Variants in MMP26 observed in about 807,000 individuals in gnomAD.
MMP26 encodes matrix metallopeptidase 26, also known as matrix metalloproteinase-26.
MMP26 carries 33 observed loss-of-function variants against 31.0 expected under a neutral mutation model. The ratio of observed to expected loss-of-function variants is 1.06; its 90% CI spans 0.81 to 1.42. MMP26 has a LOEUF of 1.42. Ranked by LOEUF, MMP26 falls within the 40% of genes most tolerant of loss-of-function variation. The pLI is 0.00. For synonymous variants in MMP26, 122 were observed against 114.9 expected (o/e 1.06, Z -0.40); for missense variants, 347 against 316.1 (o/e 1.10, Z -0.74).
At chr11:4,764,653 G>A (rs921378719) in intron 1 of MMP26, among the ~76,000 whole-genome samples, 14 of 152,288 alleles carry the variant, frequency 9.2e-5, no homozygotes, top group Middle Eastern at 3.4e-3. Context: ...GGTGGATCAC[G>A]AGGTCAGGAG....
At chr11:4,916,861 G>T (rs1353183629) in intron 2 of MMP26, among the ~76,000 whole-genome samples, 1 of 152,156 alleles carries the variant, frequency 6.6e-6, no homozygotes, top group Non-Finnish European at 1.5e-5. Context: ...CATCAACCAT[G>T]GCCACATCCC....
chr11:4,968,355 TC>T (rs933598596), intron 2 of MMP26, among the ~76,000 whole-genome samples: 4 of 152,062 alleles, frequency 2.6e-5, no homozygotes, highest in African/African-American at 7.2e-5. Flanking sequence ...TTTTAACTTT[TC>T]TCTACATGGT....
intron 2 of MMP26, among the ~76,000 whole-genome samples, chr11:4,879,144 G>C (rs1287714084): frequency 1.3e-5 from 2 of 152,082 alleles, no homozygotes; most frequent in African/African-American, 4.8e-5. Flanking sequence ...TGAGGCAGGA[G>C]AATTGCTTGA....
At chr11:4,910,046 T>C (rs542877787) in intron 2 of MMP26, among the ~76,000 whole-genome samples, 11 of 152,196 alleles carry the variant, frequency 7.2e-5, no homozygotes, top group African/African-American at 2.6e-4. Context: ...AATACAAATG[T>C]ATTGTTTTAT....
intron 2 of MMP26, chr11:4,882,327 T>C: frequency 1.2e-6 from 2 of 1,613,962 alleles, no homozygotes; most frequent in South Asian, 1.1e-5. Context: ...GACAGGATGG[T>C]CCTGGTGATA....
chr11:4,897,564 A>G (rs554425319), intron 2 of MMP26, among the ~76,000 whole-genome samples: 2 of 152,134 alleles, frequency 1.3e-5, no homozygotes, highest in Non-Finnish European at 2.9e-5. Flanking sequence ...TCTTTGTTAT[A>G]GCTTTCTCAC....
At chr11:4,769,255 G>C (rs1288552034) in intron 2 of MMP26, 1 of 1,613,594 alleles carries the variant, frequency 6.2e-7, no homozygotes. Flanking sequence ...GAATAATTAA[G>C]ATATATGACA....
At chr11:4,949,868 TATACCCATTTCAGGGTATAC>T (rs775760150) in intron 2 of MMP26, among the ~76,000 whole-genome samples, 1 of 123,850 alleles carries the variant, frequency 8.1e-6, no homozygotes, top group African/African-American at 2.7e-5. Flanking sequence ...CTAATGTATG[TATACCCATTTCAGGGTATAC>T]ATACCCATTT....
intron 2 of MMP26, chr11:4,794,816 A>G (rs1297212670): frequency 6.6e-6 from 1 of 152,246 alleles, no homozygotes; most frequent in Non-Finnish European, 1.5e-5. Flanking sequence ...GTCCAGGCCT[A>G]TTCCATGTAC....
intron 1 of MMP26, among the ~76,000 whole-genome samples, chr11:4,744,078 G>A (rs1848348752): frequency 1.3e-5 from 2 of 152,096 alleles, no homozygotes; most frequent in Non-Finnish European, 2.9e-5. Flanking sequence ...GGGATTAAAA[G>A]TGTGAGCCAC....
intron 1 of MMP26, among the ~76,000 whole-genome samples, chr11:4,729,553 G>A (rs1036796981): frequency 3.9e-5 from 6 of 152,138 alleles, no homozygotes; most frequent in African/African-American, 1.4e-4. Context: ...CGGTTAACAT[G>A]GAAGGCTGAG....
rs1395236728 is a variant in MMP26 at position 4,908,251 on chromosome 11, G to T, written c.-144-79817G>T. 5.0e-6 allele frequency: 8 copies of T among 1,614,024 alleles called. No homozygotes were observed. The African/African-American group carries it at 1.1e-4, about 22-fold the overall frequency. Reference sequence around the variant, plus strand: ...TGAACCCCATTGTGTACTGTGTAAAGACTCGACAAATCTGGGAGAAGATCT... The same window carrying T: ...TGAACCCCATTGTGTACTGTGTAAATACTCGACAAATCTGGGAGAAGATCT... On this transcript the variant is annotated intron_variant, in intron 2 of 7. Transcript: ENST00000380390.
At chr11:4,918,614 C>T (rs1262363957) in intron 2 of MMP26, among the ~76,000 whole-genome samples, 2 of 152,132 alleles carry the variant, frequency 1.3e-5, no homozygotes, top group Non-Finnish European at 2.9e-5. Flanking sequence ...CCTCGCAGAA[C>T]CCATTAGCAG....
chr11:4,723,141 C>T, intron 1 of MMP26: 2 of 1,597,856 alleles, frequency 1.3e-6, no homozygotes, highest in Non-Finnish European at 1.7e-6. Context: ...TTGGAGTTGG[C>T]ATCCTTAATG....
rs1202839835 is a variant in MMP26 at position 4,952,128 on chromosome 11, T to A, written c.-144-35940T>A. The stretch of plus-strand genomic sequence containing the variant: ...TCTTCATTTCAGGAACATGTGCAAA[T>A]CATTATGTTCACCATAAATCATCAC... On this transcript the variant is annotated intron_variant, in intron 2 of 7. Transcript: ENST00000380390. 7.2e-5 allele frequency among the ~76,000 whole-genome samples: 9 copies of A among 124,876 alleles called. 2 individuals carry two copies. In the East Asian group the frequency reaches 2.1e-3, roughly 29 times the overall value. 81.9% of individuals were successfully genotyped at this position (124,876 alleles called of 152,430 possible). A position where few individuals can be genotyped will look rare whatever the true frequency, so the allele number is the denominator to read the frequency against.
chr11:4,848,201 G>C, intron 2 of MMP26: 1 of 1,550,566 alleles, frequency 6.4e-7, no homozygotes, highest in Non-Finnish European at 8.7e-7. Flanking sequence ...TTAGTATCAG[G>C]AGCCCTGTAC....
chr11:4,869,245 C>A (rs1201525213), intron 2 of MMP26, among the ~76,000 whole-genome samples: 1 of 151,882 alleles, frequency 6.6e-6, no homozygotes, highest in Non-Finnish European at 1.5e-5. Flanking sequence ...AGAGCTTCTG[C>A]ACAGCAAAAG....
rs541436884 is a variant in MMP26, at chr11:4,880,996, T to C, written c.-144-107072T>C. On this transcript the variant is annotated intron_variant, in intron 2 of 7. Transcript: ENST00000380390. The stretch of plus-strand genomic sequence containing the variant: ...ATTCAAATAATTTCACCTGGTCTTC[T>C]GTATATGAATGGGCAGATGCTACCT... Among the ~76,000 whole-genome samples the C allele has an allele frequency of 7.9e-5, 12 of 152,254 alleles. 1 individual carries two copies. The South Asian group carries it at 2.3e-3, about 29-fold the overall frequency.
At chr11:4,824,289 T>A (rs1179225124) in intron 2 of MMP26, among the ~76,000 whole-genome samples, 1 of 152,138 alleles carries the variant, frequency 6.6e-6, no homozygotes, top group Non-Finnish European at 1.5e-5. Context: ...CCTAGAAGAC[T>A]GTTCATTTAG....
Sources: allele counts gnomAD v4.1 joint callset (sites outside exome capture counted in the v4.1 genomes callset), GRCh38; gene constraint gnomAD v4.1.1; transcripts MANE v1.5; gene names NCBI Gene and HGNC (gene_info 2026-07-23, HGNC 2026-07-21).